Variants in CDAN1 observed in about 807,000 individuals in gnomAD.
CDAN1 encodes codanin 1.
Under a neutral mutation model 139.8 loss-of-function variants are expected in CDAN1, and 107 were observed. That is an observed-to-expected ratio of 0.77 (90% CI 0.65 to 0.90). CDAN1 has a LOEUF of 0.90. CDAN1 is among the 40% of genes least tolerant of loss of function. The probability of loss-of-function intolerance (pLI) is 0.00; values close to 1 mark genes in which losing one functional copy is unlikely to be tolerated. For synonymous variants in CDAN1, 776 were observed against 660.6 expected (o/e 1.17, Z -2.68); for missense variants, 1,667 against 1,575.7 (o/e 1.06, Z -0.98).
chr15:42,728,513 G>C, intron 20 of CDAN1, 139 bp downstream of exon 20: 1 of 1,279,238 alleles, frequency 7.8e-7, no homozygotes. Context: ...CCAGTGCAGG[G>C]CTTATAGAGA....
At chr15:42,728,582 G>C in intron 20 of CDAN1, 70 bp downstream of exon 20, 1 of 1,582,776 alleles carries the variant, frequency 6.3e-7, no homozygotes. Context: ...AAAAGAGTAA[G>C]TGTGAAGGAG....
Position 42,724,302 on chromosome 15 carries a change from G to T in CDAN1, c.*189C>A. On this transcript the variant is annotated 3_prime_UTR_variant, in exon 28 of 28. Transcript: ENST00000356231. ...ACTTTTCTGCCATAATCCCAAATCA[G>T]GCCAACTCTCCTTCCTCTAGGATTC... 1 of 712,272 alleles carries T rather than the reference G, an allele frequency of 1.4e-6. No individual in the cohort carries two copies. Among genetic ancestry groups the T allele is most frequent in the Non-Finnish European group, 2.3e-6 (1 of 426,420 alleles). The allele number at this position is 712,272 out of a possible 1,614,324, so 44.1% of individuals were successfully genotyped here.
intron 3 of CDAN1, 28 bp downstream of exon 3, chr15:42,735,847 G>A (rs781484571): frequency 3.7e-6 from 6 of 1,612,210 alleles, no homozygotes; most frequent in Middle Eastern, 3.3e-4. Flanking sequence ...CGAGGAAACC[G>A]ATATCCCCAG....
chr15:42,729,930 C>T (rs2140480671), intron 15 of CDAN1, 45 bp from the exon 16 acceptor site: 4 of 1,417,332 alleles, frequency 2.8e-6, no homozygotes, highest in Non-Finnish European at 3.9e-6. Flanking sequence ...AGACCCCCAC[C>T]CAACCCACCC....
rs2061493520 is a variant in CDAN1, at chr15:42,724,209, CT to C, written c.*281del. 2.3e-6 allele frequency: 1 copy of C among 440,622 alleles called. No homozygotes were observed. Among genetic ancestry groups the C allele is most frequent in the Non-Finnish European group, 4.3e-6 (1 of 234,638 alleles). The allele number at this position is 440,622 out of a possible 1,614,324, so 27.3% of individuals were successfully genotyped here. The stretch of plus-strand genomic sequence containing the variant: ...ATTCTGTGTTGACAAGCCCACACAC[CT>C]CATTTCATTTAGTATCCAAGAGATA... On this transcript the variant is annotated 3_prime_UTR_variant, in exon 28 of 28. Transcript: ENST00000356231.
At position 42,728,218 on chromosome 15, in the gene CDAN1, CCTCTG is replaced by C; in HGVS notation, c.2849_2853del (p.Pro950ArgfsTer52). 6.2e-7 allele frequency: 1 copy of C among 1,613,846 alleles called. No homozygotes were observed. Among genetic ancestry groups the C allele is most frequent in the Non-Finnish European group, 8.5e-7 (1 of 1,179,970 alleles). On this transcript the variant is annotated frameshift_variant, in exon 21 of 28. Coordinates refer to ENST00000356231, the MANE Select transcript of CDAN1 (RefSeq NM_138477.4). LOFTEE classifies it high-confidence loss of function. ...CTCACACGTACGGCTGCCGGGGTCT[CCTCTG>C]GAAGCAGCGCCCGCACAGCCCCAGG...
chr15:42,728,575 A>T, intron 20 of CDAN1, 77 bp downstream of exon 20: 1 of 1,574,054 alleles, frequency 6.4e-7, no homozygotes, highest in Non-Finnish European at 8.7e-7. Context: ...AAGGGAAAAA[A>T]GAGTAAGTGT....
chr15:42,735,453 C>T lies in CDAN1; in HGVS notation c.943+57G>A. 5 of 1,605,992 alleles carry T rather than the reference C, an allele frequency of 3.1e-6. No homozygotes were observed. The Admixed American group carries it at 8.5e-5, about 27-fold the overall frequency. On this transcript the variant is annotated intron_variant, in intron 4 of 27. Transcript: ENST00000356231. ...CTCAGTTCCAAGTGCCTTACCAATT[C>T]TCTTACCCATAAGTTCTACAAGTGT...
intron 9 of CDAN1, among the ~76,000 whole-genome samples, chr15:42,732,890 C>T (rs543304885): frequency 6.6e-6 from 1 of 152,214 alleles, no homozygotes; most frequent in African/African-American, 2.4e-5. Context: ...AAGGATAAGA[C>T]ACCTGTGAGT....
chr15:42,729,998 T>C (rs1009955635), intron 15 of CDAN1, 113 bp from the exon 16 acceptor site: 3 of 1,155,282 alleles, frequency 2.6e-6, no homozygotes, highest in Non-Finnish European at 3.7e-6. Context: ...ACCTCTGAGA[T>C]GATGGGAATC....
chr15:42,735,256 C>T lies in CDAN1; in HGVS notation c.1057+5G>A, dbSNP rs1451343166. On this transcript the variant is annotated splice_donor_5th_base_variant and intron_variant, in intron 5 of 27. Coordinates refer to ENST00000356231, the MANE Select transcript of CDAN1 (RefSeq NM_138477.4). ...CATGTCTCAAAAGGAGGCTTGCTCA[C>T]TGACCTAGGACAGCTGGACTTAGTT... 1 of 1,605,796 alleles carries T rather than the reference C, an allele frequency of 6.2e-7. No homozygotes were observed. The highest frequency in any genetic ancestry group is 2.2e-5 in the East Asian group (1 of 44,720).
chr15:42,726,641 A>C, intron 23 of CDAN1: 1 of 586,150 alleles, frequency 1.7e-6, no homozygotes. Context: ...AGGTCAGCTG[A>C]GGGACAGTAG....
intron 1 of CDAN1, 106 bp downstream of exon 1, chr15:42,736,907 C>G (rs1662515456): frequency 6.8e-7 from 1 of 1,470,024 alleles, no homozygotes; most frequent in African/African-American, 1.5e-5. Flanking sequence ...GGAGTGCACT[C>G]GGCCCGGCTG....
intron 21 of CDAN1, 45 bp downstream of exon 21, chr15:42,728,159 C>A: frequency 5.6e-6 from 9 of 1,608,844 alleles, no homozygotes; most frequent in Non-Finnish European, 7.6e-6. Context: ...GTGCACCTCC[C>A]CACAACTGCC....
In CDAN1 at chr15:42,728,270, A is replaced by G. The variant is rs139032045; in HGVS notation, c.2805-3T>C. On this transcript the variant is annotated splice_polypyrimidine_tract_variant and splice_region_variant and intron_variant, in intron 20 of 27. Coordinates refer to ENST00000356231, the MANE Select transcript of CDAN1 (RefSeq NM_138477.4). Reference sequence around the variant, plus strand: ...CAGGGCTCTTCCTTTGACAGAACCTAAAAGGGGACAGATGGGGTCAGTGAT... The same window carrying G: ...CAGGGCTCTTCCTTTGACAGAACCTGAAAGGGGACAGATGGGGTCAGTGAT... 8.1e-6 allele frequency: 13 copies of G among 1,613,830 alleles called. No homozygotes were observed. In the East Asian group the frequency reaches 1.1e-4, roughly 14 times the overall value.
intron 25 of CDAN1, 72 bp downstream of exon 25, chr15:42,726,025 A>G: frequency 8.2e-7 from 1 of 1,214,792 alleles, no homozygotes; most frequent in South Asian, 1.2e-5. Context: ...CTCTGTTTCT[A>G]ATCTTGCTTG....
chr15:42,726,443 C>T, intron 23 of CDAN1, 26 bp from the exon 24 acceptor site: 1 of 1,537,726 alleles, frequency 6.5e-7, no homozygotes, highest in Non-Finnish European at 8.9e-7. Flanking sequence ...GGAGATATCA[C>T]CTTGCGCTGG....
intron 24 of CDAN1, 41 bp from the exon 25 acceptor site, chr15:42,726,201 A>T (rs778306555): frequency 7.2e-5 from 115 of 1,607,992 alleles, no homozygotes; most frequent in Non-Finnish European, 9.3e-5. Context: ...CATAGGTATC[A>T]CCATGCTTAC....
At chr15:42,733,010 A>G in intron 9 of CDAN1, 87 bp downstream of exon 9, 2 of 1,050,752 alleles carry the variant, frequency 1.9e-6, no homozygotes, top group East Asian at 2.4e-5. Flanking sequence ...GAGCGGGGAA[A>G]ACCTTCCCTC....
Sources: gnomAD v4.1 joint callset for allele counts (sites outside exome capture counted in the v4.1 genomes callset) on GRCh38, gnomAD v4.1.1 for gene constraint, MANE v1.5 for transcripts, NCBI Gene and HGNC (gene_info 2026-07-23, HGNC 2026-07-21) for gene names.